TMTC2: variants seen among roughly 807,000 people sequenced by gnomAD.
TMTC2 encodes the protein protein O-mannosyl-transferase TMTC2.
TMTC2 carries 43 observed loss-of-function variants against 82.4 expected under a neutral mutation model. That is an observed-to-expected ratio of 0.52 (90% CI 0.41 to 0.67). The LOEUF (loss-of-function observed/expected upper bound fraction) is 0.67. Among genes scored for constraint, TMTC2 ranks in the 30% least tolerant of loss-of-function variants. The pLI, the probability that TMTC2 is intolerant of heterozygous loss-of-function variation, is 0.00. For missense variants in TMTC2, 919 were observed against 1,012.4 expected (o/e 0.91, Z 1.25); for synonymous variants, 408 against 381.9 (o/e 1.07, Z -0.80).
intron 1 of TMTC2, among the ~76,000 whole-genome samples, chr12:82,821,140 T>C (rs1007209849): frequency 6.6e-6 from 1 of 152,220 alleles, no homozygotes; most frequent in African/African-American, 2.4e-5. Flanking sequence ...ATTATAGGTA[T>C]GAACCACAGT....
Position 82,812,190 on chromosome 12 carries a change from T to A in TMTC2, c.84-44820T>A, listed in dbSNP as rs183611619. Among the ~76,000 whole-genome samples, 83 of 152,192 alleles carry A rather than the reference T, an allele frequency of 5.5e-4. 1 individual carries two copies. The East Asian group carries it at 0.013, about 24-fold the overall frequency. ...ATAATTTTTCTTTTTAAGTACTACTTTTCACTTACTGATACTTATTAGAAG... is the reference window on the plus strand; with the variant it reads ...ATAATTTTTCTTTTTAAGTACTACTATTCACTTACTGATACTTATTAGAAG... On this transcript the variant is annotated intron_variant, in intron 1 of 11. Transcript: ENST00000321196.
intron 4 of TMTC2, among the ~76,000 whole-genome samples, chr12:82,943,475 A>G (rs1339382309): frequency 1.3e-5 from 2 of 152,146 alleles, no homozygotes; most frequent in Non-Finnish European, 2.9e-5. Flanking sequence ...TGTTGCACTA[A>G]TATGGTCAGT....
Position 82,978,049 on chromosome 12 carries a change from G to A in TMTC2, c.1949-7876G>A, listed in dbSNP as rs542224586. On this transcript the variant is annotated intron_variant, in intron 7 of 11. Transcript: ENST00000321196. ...AAAATTTGCCAGTGGCTATCTATGG[G>A]TGATATAATTCTTTCAGTCTTATAA... Among the ~76,000 whole-genome samples the A allele has an allele frequency of 3.2e-4, 49 of 151,778 alleles. 1 individual carries two copies. The highest frequency in any genetic ancestry group is 5.5e-4 in the Non-Finnish European group (37 of 67,660).
chr12:82,934,197 G>A (rs1472525285), intron 4 of TMTC2, among the ~76,000 whole-genome samples: 1 of 152,060 alleles, frequency 6.6e-6, no homozygotes. Context: ...AAGACATTCT[G>A]ATTGTGTATC....
intron 7 of TMTC2, among the ~76,000 whole-genome samples, chr12:82,975,905 AAAT>A (rs974654039): frequency 4.0e-5 from 6 of 151,028 alleles, no homozygotes; most frequent in Non-Finnish European, 8.8e-5. Flanking sequence ...TTTAAAAAAA[AAAT>A]AATGCTATTT....
intron 11 of TMTC2, among the ~76,000 whole-genome samples, chr12:83,078,470 G>A (rs1327210302): frequency 6.6e-6 from 1 of 152,110 alleles, no homozygotes; most frequent in Admixed American, 6.5e-5. Context: ...AGAGAACCGA[G>A]AAGACTGACA....
intron 11 of TMTC2, among the ~76,000 whole-genome samples, chr12:83,128,912 T>C (rs1885175878): frequency 6.6e-6 from 1 of 152,190 alleles, no homozygotes; most frequent in Non-Finnish European, 1.5e-5. Context: ...TACCCAGTCT[T>C]ATTCATCAAT....
At chr12:83,026,461 T>A (rs1881180988) in intron 8 of TMTC2, among the ~76,000 whole-genome samples, 1 of 152,064 alleles carries the variant, frequency 6.6e-6, no homozygotes, top group African/African-American at 2.4e-5. Flanking sequence ...AATGCAACAA[T>A]GTAAGGTCTT....
In TMTC2 at chr12:83,017,814, A is replaced by G. The variant is rs1186601773; in HGVS notation, c.2071-12984A>G. On this transcript the variant is annotated intron_variant, in intron 8 of 11. Transcript: ENST00000321196. ...ACCCAGATCCTTGGATTTATAACTG[A>G]AAAAAAAAAAAAAACTTATTCAGAT... Among the ~76,000 whole-genome samples, 28 of 5,308 alleles carry G rather than the reference A, an allele frequency of 5.3e-3. No individual in the cohort carries two copies. In the Admixed American group the frequency reaches 0.058, roughly 11 times the overall value. The allele number at this position is 5,308 out of a possible 152,430, so 3.5% of individuals were successfully genotyped here. A position where few individuals can be genotyped will look rare whatever the true frequency, so the allele number is the denominator to read the frequency against.
chr12:82,886,356 G>C (rs979377488), intron 2 of TMTC2, among the ~76,000 whole-genome samples: 2 of 152,166 alleles, frequency 1.3e-5, no homozygotes, highest in African/African-American at 4.8e-5. Flanking sequence ...AAAAATTTAA[G>C]TAAAATTCAG....
chr12:83,128,484 G>T (rs571568842), intron 11 of TMTC2, among the ~76,000 whole-genome samples: 2 of 151,860 alleles, frequency 1.3e-5, no homozygotes, highest in Admixed American at 1.3e-4. Context: ...TTTTGGGGGA[G>T]GATAGGTGTT....
chr12:82,757,171 A>G (rs1406532852), intron 1 of TMTC2, among the ~76,000 whole-genome samples: 1 of 152,190 alleles, frequency 6.6e-6, no homozygotes, highest in Non-Finnish European at 1.5e-5. Flanking sequence ...CTTGCAGTTT[A>G]AATAATTCCA....
intron 11 of TMTC2, among the ~76,000 whole-genome samples, chr12:83,100,638 T>C (rs1353485065): frequency 6.6e-6 from 1 of 152,196 alleles, no homozygotes; most frequent in African/African-American, 2.4e-5. Context: ...GAGATTTTTT[T>C]TTCAGCAGAA....
At chr12:83,014,049 C>T (rs940845075) in intron 8 of TMTC2, among the ~76,000 whole-genome samples, 1 of 152,112 alleles carries the variant, frequency 6.6e-6, no homozygotes, top group African/African-American at 2.4e-5. Context: ...GCAAATTTTG[C>T]CTATGTTTTT....
At chr12:83,097,318 A>T (rs1884062942) in intron 11 of TMTC2, among the ~76,000 whole-genome samples, 2 of 152,370 alleles carry the variant, frequency 1.3e-5, no homozygotes, top group South Asian at 4.1e-4. Flanking sequence ...ACAAAAGCAC[A>T]CACTCACACA....
At chr12:83,046,478 C>G (rs754978665) in intron 9 of TMTC2, among the ~76,000 whole-genome samples, 1 of 152,134 alleles carries the variant, frequency 6.6e-6, no homozygotes, top group Non-Finnish European at 1.5e-5. Context: ...TGCTCTAAAG[C>G]TAGAGACTAA....
At chr12:83,074,860 C>G (rs1324013650) in intron 11 of TMTC2, among the ~76,000 whole-genome samples, 1 of 152,146 alleles carries the variant, frequency 6.6e-6, no homozygotes, top group East Asian at 1.9e-4. Flanking sequence ...TTTGCGCTCT[C>G]CCCTAAGCTC....
chr12:82,771,600 T>C (rs1877314500), intron 1 of TMTC2, among the ~76,000 whole-genome samples: 1 of 152,152 alleles, frequency 6.6e-6, no homozygotes, highest in East Asian at 1.9e-4. Flanking sequence ...CAAGAATAAA[T>C]AATGGTATAA....
intron 1 of TMTC2, among the ~76,000 whole-genome samples, chr12:82,849,554 T>C (rs1002087087): frequency 6.6e-6 from 1 of 152,036 alleles, no homozygotes; most frequent in African/African-American, 2.4e-5. Flanking sequence ...TTAATTTCAG[T>C]AATGGAAGAA....
Sources: allele counts gnomAD v4.1 joint callset (sites outside exome capture counted in the v4.1 genomes callset), GRCh38; gene constraint gnomAD v4.1.1; transcripts MANE v1.5; gene names NCBI Gene and HGNC (gene_info 2026-07-23, HGNC 2026-07-21).